GCNT1: variants seen among roughly 807,000 people sequenced by gnomAD.
The protein encoded by GCNT1 is glucosaminyl (N-acetyl) transferase 1.
Under a neutral mutation model 26.2 loss-of-function variants are expected in GCNT1, and 16 were observed. That is an observed-to-expected ratio of 0.61 (90% CI 0.41 to 0.93). The LOEUF (loss-of-function observed/expected upper bound fraction) is 0.93. Among genes scored for constraint, GCNT1 ranks in the 40% least tolerant of loss-of-function variants. The pLI, the probability that GCNT1 is intolerant of heterozygous loss-of-function variation, is 0.00. For missense variants in GCNT1, 477 were observed against 526.7 expected (o/e 0.91, Z 0.92); for synonymous variants, 183 against 190.8 (o/e 0.96, Z 0.34).
upstream of GCNT1, among the ~76,000 whole-genome samples, chr9:76,418,805 C>T (rs1823153996): frequency 6.6e-6 from 1 of 152,120 alleles, no homozygotes; most frequent in African/African-American, 2.4e-5. Flanking sequence ...TTTGAATGAG[C>T]CTGAAAGGCA....
intron 2 of GCNT1, among the ~76,000 whole-genome samples, chr9:76,498,902 A>T (rs1824984294): frequency 6.6e-6 from 1 of 152,168 alleles, no homozygotes; most frequent in African/African-American, 2.4e-5. Context: ...AGAAAATTAC[A>T]TTCATACTAT....
chr9:76,449,708 A>G (rs12380332), intron 1 of GCNT1, among the ~76,000 whole-genome samples: 41,872 of 152,114 alleles, frequency 0.28, 6,104 homozygotes, highest in Non-Finnish European at 0.32. Flanking sequence ...TCCTGGGTCT[A>G]AGCACCTCTT....
In GCNT1 at chr9:76,502,355, A is replaced by G. The variant is rs1327291978; in HGVS notation, c.-27A>G. On this transcript the variant is annotated 5_prime_UTR_variant, in exon 4 of 4. Transcript: ENST00000376730. ...TGGAGCATAGAAGACTGCCCTTCAC[A>G]AAGGAAATCCCTGATTATTGTTTGA... 3 of 1,558,076 alleles carry G rather than the reference A, an allele frequency of 1.9e-6. No individual in the cohort carries two copies. The highest frequency in any genetic ancestry group is 2.7e-5 in the African/African-American group (2 of 73,620).
intron 2 of GCNT1, among the ~76,000 whole-genome samples, chr9:76,498,297 T>C (rs1824964857): frequency 6.6e-6 from 1 of 152,188 alleles, no homozygotes; most frequent in Non-Finnish European, 1.5e-5. Context: ...TACAAGTTTT[T>C]GCGTGAATAT....
At chr9:76,493,118 T>C (rs1350485539) in intron 2 of GCNT1, among the ~76,000 whole-genome samples, 2 of 152,134 alleles carry the variant, frequency 1.3e-5, no homozygotes, top group African/African-American at 2.4e-5. Flanking sequence ...TGAGTTATGG[T>C]GGACATCATT....
chr9:76,454,092 C>T (rs187799889), intron 1 of GCNT1, among the ~76,000 whole-genome samples: 15 of 152,088 alleles, frequency 9.9e-5, no homozygotes, highest in Admixed American at 7.9e-4. Context: ...TAAAAAGAAC[C>T]AGTATCGGCT....
In GCNT1 at chr9:76,506,464, A is replaced by G. The variant is rs11144931; in HGVS notation, c.*2796A>G. 35,320 of 166,610 alleles carry G rather than the reference A, an allele frequency of 0.21. 3,999 individuals carry two copies. The highest frequency in any genetic ancestry group is 0.26 in the Middle Eastern group (78 of 296). 10.3% of individuals were successfully genotyped at this position (166,610 alleles called of 1,614,324 possible). A position where few individuals can be genotyped will look rare whatever the true frequency, so the allele number is the denominator to read the frequency against. ...GGCAGGAGAATCTCTTGAGCCCAGG[A>G]GGCGGAGGTTGCAGTGAGCTGAGAT... On this transcript the variant is annotated 3_prime_UTR_variant, in exon 4 of 4. Transcript: ENST00000376730.
intron 1 of GCNT1, among the ~76,000 whole-genome samples, chr9:76,421,456 T>C: frequency 6.6e-6 from 1 of 151,580 alleles, no homozygotes; most frequent in Admixed American, 6.6e-5. Flanking sequence ...ATACAAAAAT[T>C]AGCTGACCAT....
intron 2 of GCNT1, among the ~76,000 whole-genome samples, chr9:76,486,759 C>T (rs1824587558): frequency 6.6e-6 from 1 of 152,078 alleles, no homozygotes; most frequent in African/African-American, 2.4e-5. Context: ...AGAAACAGAA[C>T]TCTTTTCTGG....
rs770384498 is a variant in GCNT1, at chr9:76,505,421, A to C, written c.*1753A>C. On this transcript the variant is annotated 3_prime_UTR_variant, in exon 4 of 4. Transcript: ENST00000376730. The stretch of plus-strand genomic sequence containing the variant: ...TCGAGATGATGAGGGTGGTACATGC[A>C]GTGTGTTCTCTCTTTATTGGCTTCT... The C allele has an allele frequency of 6.0e-6, 1 of 167,318 alleles. No individual in the cohort carries two copies. The highest frequency in any genetic ancestry group is 1.5e-5 in the Non-Finnish European group (1 of 68,334). 10.4% of individuals were successfully genotyped at this position (167,318 alleles called of 1,614,324 possible).
At chr9:76,423,674 G>A (rs571336244) in intron 1 of GCNT1, among the ~76,000 whole-genome samples, 1 of 152,328 alleles carries the variant, frequency 6.6e-6, no homozygotes, top group South Asian at 2.1e-4. Flanking sequence ...GAAAGGAACA[G>A]ATGATGTTAC....
At chr9:76,412,670 CAG>C in the GCNT1 span, among the ~76,000 whole-genome samples, 3 of 152,188 alleles carry the variant, frequency 2.0e-5, no homozygotes, top group Non-Finnish European at 2.9e-5. Context: ...ATATTGGAAA[CAG>C]GGCTTAGTCA....
the GCNT1 span, among the ~76,000 whole-genome samples, chr9:76,406,569 C>T: frequency 2.0e-5 from 3 of 150,450 alleles, no homozygotes; most frequent in Admixed American, 6.6e-5. Flanking sequence ...GGTGTGGTGG[C>T]GTGCACCTGT....
intron 2 of GCNT1, among the ~76,000 whole-genome samples, chr9:76,488,554 C>G (rs591108): frequency 1 from 152,150 of 152,334 alleles, 75,985 homozygotes; most frequent in Middle Eastern, 1. Context: ...GCACAGTCTC[C>G]GCTCACTACA....
At chr9:76,474,826 G>T (rs1824218551) in intron 2 of GCNT1, among the ~76,000 whole-genome samples, 2 of 152,246 alleles carry the variant, frequency 1.3e-5, no homozygotes, top group Non-Finnish European at 2.9e-5. Flanking sequence ...CATTTCAGAA[G>T]TGTTTGAATA....
chr9:76,433,521 G>T (rs1458656458), intron 1 of GCNT1, among the ~76,000 whole-genome samples: 2 of 152,172 alleles, frequency 1.3e-5, no homozygotes, highest in African/African-American at 4.8e-5. Flanking sequence ...AGCCCCACAT[G>T]TAGACTGCTC....
chr9:76,463,431 G>A (rs1443674145), intron 2 of GCNT1, among the ~76,000 whole-genome samples: 5 of 152,130 alleles, frequency 3.3e-5, no homozygotes, highest in African/African-American at 7.2e-5. Flanking sequence ...AATCTAAACC[G>A]TGAAATGTTA....
chr9:76,474,121 G>A lies in GCNT1; in HGVS notation c.-290+13944G>A, dbSNP rs957658404. Among the ~76,000 whole-genome samples the A allele has an allele frequency of 5.3e-5, 8 of 152,178 alleles. No individual in the cohort carries two copies. In the East Asian group the frequency reaches 1.5e-3, roughly 29 times the overall value. ...TCTCAGAAAAAGAAAGAAAAGAAAA[G>A]ATTCAGCCACTAGTAATCAAAGAAA... On this transcript the variant is annotated intron_variant, in intron 2 of 3. Transcript: ENST00000376730.
At chr9:76,405,387 G>T in the GCNT1 span, among the ~76,000 whole-genome samples, 1 of 151,890 alleles carries the variant, frequency 6.6e-6, no homozygotes, top group Non-Finnish European at 1.5e-5. Flanking sequence ...TATGTGCATT[G>T]ATGTAATATC....
Sources: allele counts gnomAD v4.1 joint callset (sites outside exome capture counted in the v4.1 genomes callset), GRCh38; gene constraint gnomAD v4.1.1; transcripts MANE v1.5; gene names NCBI Gene and HGNC (gene_info 2026-07-23, HGNC 2026-07-21).